GRID2: variants seen among roughly 807,000 people sequenced by gnomAD.
GRID2 encodes the protein glutamate ionotropic receptor delta type subunit 2, also known as glutamate receptor ionotropic, delta-2.
In GRID2, 33 loss-of-function variants were observed where a neutral mutation model predicts 114.8. The observed-to-expected ratio is 0.29, with a 90% CI of 0.22 to 0.38. The LOEUF (loss-of-function observed/expected upper bound fraction) is 0.38, where lower values mean the gene tolerates loss of function less well. Among genes scored for constraint, GRID2 ranks in the 10% least tolerant of loss-of-function variants. GRID2 has a pLI of 1.00. For synonymous variants in GRID2, 505 were observed against 449.9 expected, an observed-to-expected ratio of 1.12 and a Z score of -1.55; for missense variants, 1,184 against 1,257.7, an observed-to-expected ratio of 0.94 and a Z score of 0.89.
At chr4:92,551,715 T>C (rs924992817) in intron 1 of GRID2, among the ~76,000 whole-genome samples, 3 of 152,142 alleles carry the variant, frequency 2.0e-5, no homozygotes, top group African/African-American at 7.2e-5. Context: ...CAAACACAAA[T>C]AATACCATCG....
chr4:92,533,842 T>A (rs1725475539), intron 1 of GRID2, among the ~76,000 whole-genome samples: 1 of 152,078 alleles, frequency 6.6e-6, no homozygotes, highest in Non-Finnish European at 1.5e-5. Flanking sequence ...ATCAGCAGAC[T>A]TAATAATTTA....
At chr4:92,375,074 G>A (rs1359397734) in intron 1 of GRID2, among the ~76,000 whole-genome samples, 1 of 152,092 alleles carries the variant, frequency 6.6e-6, no homozygotes, top group Non-Finnish European at 1.5e-5. Flanking sequence ...CATCCTTAGA[G>A]TTTTAAATGT....
intron 1 of GRID2, among the ~76,000 whole-genome samples, chr4:92,544,651 G>A (rs1560701735): frequency 6.6e-6 from 1 of 152,114 alleles, no homozygotes; most frequent in Non-Finnish European, 1.5e-5. Context: ...AGAAGAGAGA[G>A]TGTGACCTGA....
At chr4:92,455,011 G>GTC (rs1179190084) in intron 1 of GRID2, among the ~76,000 whole-genome samples, 1 of 152,126 alleles carries the variant, frequency 6.6e-6, no homozygotes, top group Non-Finnish European at 1.5e-5. Flanking sequence ...TCTACTGTAT[G>GTC]TCTAGCTGTA....
intron 8 of GRID2, among the ~76,000 whole-genome samples, chr4:93,286,476 T>C (rs1753162838): frequency 6.6e-6 from 1 of 152,126 alleles, no homozygotes; most frequent in African/African-American, 2.4e-5. Flanking sequence ...CCAGGGTTCA[T>C]ATCACCCTTC....
chr4:93,006,287 AAGAC>A (rs1389245640), intron 2 of GRID2, among the ~76,000 whole-genome samples: 2 of 152,248 alleles, frequency 1.3e-5, no homozygotes, highest in African/African-American at 2.4e-5. Context: ...CTGAATTAGA[AAGAC>A]AGACAGAGAC....
At chr4:92,930,843 T>A (rs920454412) in intron 2 of GRID2, among the ~76,000 whole-genome samples, 2 of 151,062 alleles carry the variant, frequency 1.3e-5, no homozygotes, top group African/African-American at 4.8e-5. Context: ...TAATTGAATA[T>A]CTATATTCTA....
intron 2 of GRID2, among the ~76,000 whole-genome samples, chr4:92,642,495 A>G (rs1025859889): frequency 6.6e-6 from 1 of 151,766 alleles, no homozygotes; most frequent in African/African-American, 2.4e-5. Flanking sequence ...TGTTTTTTAC[A>G]TGTTGACTTG....
chr4:92,754,692 A>G (rs1737625051), intron 2 of GRID2, among the ~76,000 whole-genome samples: 1 of 152,174 alleles, frequency 6.6e-6, no homozygotes, highest in African/African-American at 2.4e-5. Context: ...TTCTTGAACC[A>G]GTGTATTTTG....
intron 2 of GRID2, among the ~76,000 whole-genome samples, chr4:92,942,733 C>T (rs2149538924): frequency 6.6e-6 from 1 of 152,224 alleles, no homozygotes; most frequent in East Asian, 1.9e-4. Flanking sequence ...ACGTTTAGTG[C>T]TTCCTTCAGG....
At chr4:92,997,978 C>T (rs1755307761) in intron 2 of GRID2, among the ~76,000 whole-genome samples, 1 of 151,922 alleles carries the variant, frequency 6.6e-6, no homozygotes, top group Admixed American at 6.6e-5. Flanking sequence ...CTTATGGAGT[C>T]CTTCTTGGTG....
Position 93,042,488 on chromosome 4 carries a change from A to G in GRID2, c.245-42507A>G, listed in dbSNP as rs530945664. Among the ~76,000 whole-genome samples, 9 of 148,812 alleles carry G rather than the reference A, an allele frequency of 6.0e-5. No individual in the cohort carries two copies. In the South Asian group the frequency reaches 1.9e-3, roughly 31 times the overall value. On this transcript the variant is annotated intron_variant, in intron 2 of 15. Coordinates refer to ENST00000282020, the MANE Select transcript of GRID2 (RefSeq NM_001510.4). Reference sequence around the variant, plus strand: ...CTTTACTAGTGTCTCTGAAGTAAGGAGGAACCAGGAAGTGAGCTGTTTTGT... The same window carrying G: ...CTTTACTAGTGTCTCTGAAGTAAGGGGGAACCAGGAAGTGAGCTGTTTTGT...
chr4:93,548,986 G>T (rs1367405832), intron 13 of GRID2, among the ~76,000 whole-genome samples: 1 of 151,764 alleles, frequency 6.6e-6, no homozygotes, highest in East Asian at 1.9e-4. Flanking sequence ...AGGTGTAGAA[G>T]AAATAAGTTA....
intron 1 of GRID2, among the ~76,000 whole-genome samples, chr4:92,405,170 C>T (rs894301862): frequency 5.9e-5 from 9 of 152,102 alleles, no homozygotes; most frequent in African/African-American, 1.9e-4. Context: ...CCCAGCAATT[C>T]GACTTTGGTC....
intron 1 of GRID2, among the ~76,000 whole-genome samples, chr4:92,543,509 A>G (rs191753289): frequency 2.3e-4 from 35 of 152,294 alleles, no homozygotes; most frequent in African/African-American, 7.7e-4. Context: ...TCACTTTCCA[A>G]TCATCAGGCA....
intron 2 of GRID2, among the ~76,000 whole-genome samples, chr4:92,708,387 T>C (rs1216211932): frequency 6.6e-6 from 1 of 152,144 alleles, no homozygotes; most frequent in Non-Finnish European, 1.5e-5. Flanking sequence ...TCAATTTCTG[T>C]CGTTATTTCC....
rs564932402 is a variant in GRID2, at chr4:93,620,825, A to G, written c.2194-5444A>G. 3.3e-5 allele frequency among the ~76,000 whole-genome samples: 5 copies of G among 152,332 alleles called. No homozygotes were observed. In the East Asian group the frequency reaches 9.7e-4, roughly 29 times the overall value. On this transcript the variant is annotated intron_variant, in intron 13 of 15. Coordinates refer to ENST00000282020, the MANE Select transcript of GRID2 (RefSeq NM_001510.4). ...CTATGTTTTCAATTGGTTAGGTACT[A>G]TTGATAAGGAATTTAAATATTTGGG...
At chr4:92,521,431 A>T (rs1560686332) in intron 1 of GRID2, among the ~76,000 whole-genome samples, 1 of 151,988 alleles carries the variant, frequency 6.6e-6, no homozygotes, top group African/African-American at 2.4e-5. Flanking sequence ...AAGATTTGCT[A>T]AAATAAATGA....
intron 8 of GRID2, among the ~76,000 whole-genome samples, chr4:93,314,303 C>CAAAAAAAA (rs56977080): frequency 1.8e-5 from 1 of 54,144 alleles, no homozygotes; most frequent in Non-Finnish European, 3.4e-5. Context: ...GAGTCTGTCT[C>CAAAAAAAA]AAAAAAAAAA....
Sources: allele counts gnomAD v4.1 joint callset (sites outside exome capture counted in the v4.1 genomes callset), GRCh38; gene constraint gnomAD v4.1.1; transcripts MANE v1.5; gene names NCBI Gene and HGNC (gene_info 2026-07-23, HGNC 2026-07-21).